The following RBFOX1 variants were observed in gnomAD, a reference collection of about 807,000 sequenced individuals.
The protein encoded by RBFOX1 is RNA binding fox-1 homolog 1.
A neutral mutation model predicts 57.7 loss-of-function variants in RBFOX1; 8 were observed. That is an observed-to-expected ratio of 0.14 (90% confidence interval 0.08 to 0.25). The LOEUF (loss-of-function observed/expected upper bound fraction) is 0.25. RBFOX1 is among the 10% of genes least tolerant of loss of function. The pLI, the probability that RBFOX1 is intolerant of heterozygous loss-of-function variation, is 1.00. For synonymous variants in RBFOX1, 326 were observed against 222.4 expected (o/e 1.47, Z -4.15); for missense variants, 611 against 548.5 (o/e 1.11, Z -1.14).
intron 4 of RBFOX1, among the ~76,000 whole-genome samples, chr16:7,339,913 A>G (rs1047382874): frequency 2.0e-5 from 3 of 152,150 alleles, no homozygotes; most frequent in Admixed American, 6.5e-5. Flanking sequence ...TCTCTACTTG[A>G]TCCTCACTCA....
chr16:7,039,133 G>A (rs74525223), intron 3 of RBFOX1, among the ~76,000 whole-genome samples: 14,673 of 152,152 alleles, frequency 0.096, 1,190 homozygotes, highest in East Asian at 0.32. Context: ...TAAGTGTTTT[G>A]AGATTTTAGG....
chr16:7,376,272 C>A (rs539595638), intron 4 of RBFOX1, among the ~76,000 whole-genome samples: 1 of 152,194 alleles, frequency 6.6e-6, no homozygotes, highest in African/African-American at 2.4e-5. Context: ...CTTACTTGCT[C>A]TTAATTCGAT....
At position 7,468,337 on chromosome 16, in the gene RBFOX1, T is replaced by A. The variant is rs73500329; in HGVS notation, c.28-49810T>A. Among the ~76,000 whole-genome samples the A allele has an allele frequency of 1.5e-3, 231 of 152,280 alleles. 1 individual carries two copies. Among genetic ancestry groups the A allele is most frequent in the African/African-American group, 5.1e-3 (213 of 41,560 alleles). ...TTTAGATTATAATTAAAACAATAAA[T>A]TCTTCTCCCCTGCGTGTATCCCGAT... On this transcript the variant is annotated intron_variant, in intron 4 of 15. Transcript: ENST00000550418.
At chr16:5,368,347 T>A (rs909511672) in intron 1 of RBFOX1, among the ~76,000 whole-genome samples, 2 of 152,220 alleles carry the variant, frequency 1.3e-5, no homozygotes, top group African/African-American at 4.8e-5. Context: ...GCTACTGCAA[T>A]ATTAATGTTG....
chr16:6,887,852 G>T (rs949973538), intron 3 of RBFOX1, among the ~76,000 whole-genome samples: 2 of 152,022 alleles, frequency 1.3e-5, no homozygotes, highest in African/African-American at 4.8e-5. Context: ...TAGTAGAGGT[G>T]GGGTTTGCCA....
chr16:6,850,341 A>G (rs1010450213), intron 3 of RBFOX1, among the ~76,000 whole-genome samples: 3 of 152,212 alleles, frequency 2.0e-5, no homozygotes, highest in African/African-American at 7.2e-5. Flanking sequence ...TCTACAAAAT[A>G]AAATTAAGGT....
chr16:7,448,649 C>T (rs1446476228), intron 4 of RBFOX1, among the ~76,000 whole-genome samples: 1 of 152,126 alleles, frequency 6.6e-6, no homozygotes, highest in Non-Finnish European at 1.5e-5. Flanking sequence ...ATAACTGTAG[C>T]AAAGGATTTG....
chr16:5,990,449 C>A (rs1596356266), intron 4 of RBFOX1, among the ~76,000 whole-genome samples: 2 of 152,362 alleles, frequency 1.3e-5, no homozygotes, highest in African/African-American at 4.8e-5. Context: ...CGAGGATCCC[C>A]AGCCTCTATA....
chr16:7,657,798 A>C (rs1478713057), intron 12 of RBFOX1, among the ~76,000 whole-genome samples: 3 of 152,180 alleles, frequency 2.0e-5, no homozygotes, highest in Non-Finnish European at 4.4e-5. Flanking sequence ...CCATGGTGGG[A>C]TCATAGGTAC....
At chr16:7,075,688 C>G (rs985725443) in intron 4 of RBFOX1, among the ~76,000 whole-genome samples, 4 of 152,170 alleles carry the variant, frequency 2.6e-5, no homozygotes, top group African/African-American at 9.7e-5. Flanking sequence ...TCACACCATT[C>G]TCCTGCCTCA....
At chr16:5,982,385 C>T (rs749560465) in intron 4 of RBFOX1, among the ~76,000 whole-genome samples, 115 of 152,082 alleles carry the variant, frequency 7.6e-4, no homozygotes, top group Non-Finnish European at 8.5e-4. Context: ...GCAGTTTTCC[C>T]TTCCTCAGCC....
At chr16:5,424,974 CTTTCTTTTCT>C (rs372212119) in intron 1 of RBFOX1, among the ~76,000 whole-genome samples, 10,984 of 70,560 alleles carry the variant, frequency 0.16, 1,366 homozygotes, top group Middle Eastern at 0.28. Flanking sequence ...CTCTTTCTTT[CTTTCTTTTCT>C]TTTCTTTTCT....
intron 11 of RBFOX1, among the ~76,000 whole-genome samples, chr16:7,639,599 A>AAT (rs969453118): frequency 6.6e-5 from 10 of 152,236 alleles, no homozygotes; most frequent in African/African-American, 2.4e-4. Context: ...ATAACAGACA[A>AAT]ATATATATAA....
chr16:6,603,658 G>C (rs2097885355), intron 2 of RBFOX1, among the ~76,000 whole-genome samples: 1 of 152,158 alleles, frequency 6.6e-6, no homozygotes, highest in South Asian at 2.1e-4. Context: ...GCACCACTAG[G>C]CTGACTGTAG....
At chr16:6,278,319 G>T (rs1235149283) in intron 1 of RBFOX1, among the ~76,000 whole-genome samples, 1 of 124,144 alleles carries the variant, frequency 8.1e-6, no homozygotes, top group Non-Finnish European at 1.6e-5. Context: ...TGCCCTGCAA[G>T]GTTCCTTCAA....
chr16:5,607,150 G>A (rs983148638), intron 3 of RBFOX1, among the ~76,000 whole-genome samples: 6 of 152,168 alleles, frequency 3.9e-5, no homozygotes, highest in Non-Finnish European at 8.8e-5. Context: ...CCAGACTCCT[G>A]GGCACGCTCT....
At chr16:6,252,288 C>T (rs1371776133) in intron 1 of RBFOX1, among the ~76,000 whole-genome samples, 2 of 152,048 alleles carry the variant, frequency 1.3e-5, no homozygotes, top group Non-Finnish European at 1.5e-5. Flanking sequence ...ATGGGCTATT[C>T]AATGAGGAGT....
intron 4 of RBFOX1, among the ~76,000 whole-genome samples, chr16:7,437,005 C>G (rs927054471): frequency 3.3e-5 from 5 of 152,152 alleles, no homozygotes; most frequent in Admixed American, 1.3e-4. Flanking sequence ...CTCTTAAACC[C>G]AGGAGGTGGA....
At chr16:6,496,909 G>A (rs62016836) in intron 2 of RBFOX1, among the ~76,000 whole-genome samples, 41,655 of 152,012 alleles carry the variant, frequency 0.27, 7,162 homozygotes, top group Non-Finnish European at 0.39. Flanking sequence ...GTGGTGAGCC[G>A]AGACTACGCC....
Sources: allele counts gnomAD v4.1 joint callset (sites outside exome capture counted in the v4.1 genomes callset), GRCh38; gene constraint gnomAD v4.1.1; transcripts MANE v1.5; gene names NCBI Gene and HGNC (gene_info 2026-07-23, HGNC 2026-07-21).